XKR6: variants seen among roughly 807,000 people sequenced by gnomAD.
XKR6 encodes XK-related protein 6.
A neutral mutation model predicts 56.7 loss-of-function variants in XKR6; 22 were observed. That is an observed-to-expected ratio of 0.39 (90% confidence interval 0.28 to 0.55). The LOEUF (loss-of-function observed/expected upper bound fraction) is 0.55. XKR6 is among the 20% of genes least tolerant of loss of function. The pLI is 0.66. For missense variants in XKR6, 852 were observed against 889.0 expected, an observed-to-expected ratio of 0.96 and a Z score of 0.53; for synonymous variants, 524 against 387.8, an observed-to-expected ratio of 1.35 and a Z score of -4.13.
intron 1 of XKR6, among the ~76,000 whole-genome samples, chr8:11,145,801 C>T (rs149663908): frequency 1.0e-3 from 157 of 152,252 alleles, no homozygotes; most frequent in African/African-American, 3.4e-3. Context: ...TAACTCAACA[C>T]GATCAAAATC....
At chr8:11,078,283 T>C (rs918688992) in intron 1 of XKR6, among the ~76,000 whole-genome samples, 6 of 152,188 alleles carry the variant, frequency 3.9e-5, no homozygotes, top group African/African-American at 7.2e-5. Context: ...TCAACTTCAA[T>C]TGGCACCATG....
chr8:11,153,008 A>G (rs968569866), intron 1 of XKR6, among the ~76,000 whole-genome samples: 13 of 152,246 alleles, frequency 8.5e-5, no homozygotes, highest in African/African-American at 2.9e-4. Flanking sequence ...ACAGAGTAAT[A>G]CTAACAAAAT....
At chr8:11,126,645 A>G (rs1799813314) in intron 1 of XKR6, among the ~76,000 whole-genome samples, 1 of 152,218 alleles carries the variant, frequency 6.6e-6, no homozygotes, top group South Asian at 2.1e-4. Flanking sequence ...CGAATTTCCA[A>G]GATCCACAGA....
intron 1 of XKR6, among the ~76,000 whole-genome samples, chr8:10,969,316 G>C (rs1035127327): frequency 6.6e-6 from 1 of 152,186 alleles, no homozygotes; most frequent in African/African-American, 2.4e-5. Flanking sequence ...AGGCTGTCCA[G>C]ACTTTTAGAA....
intron 1 of XKR6, among the ~76,000 whole-genome samples, chr8:11,094,063 C>T (rs566876941): frequency 1.1e-3 from 152 of 143,536 alleles, no homozygotes; most frequent in African/African-American, 3.5e-3. Context: ...GGATTACAGG[C>T]GTGAGCCACC....
chr8:10,995,309 G>A (rs1028681621), intron 1 of XKR6, among the ~76,000 whole-genome samples: 13 of 151,158 alleles, frequency 8.6e-5, no homozygotes, highest in African/African-American at 2.9e-4. Context: ...GAACCCAGGA[G>A]TTCAGGACCA....
chr8:11,198,462 C>A (rs900008025), intron 1 of XKR6, among the ~76,000 whole-genome samples: 1 of 149,876 alleles, frequency 6.7e-6, no homozygotes, highest in Non-Finnish European at 1.5e-5. Context: ...AAAAAAAAAA[C>A]TAGACAGTAA....
In XKR6 at chr8:10,930,396, C is replaced by A. The variant is rs373283101; in HGVS notation, c.765-5566G>T. On this transcript the variant is annotated intron_variant, in intron 1 of 2. Coordinates refer to ENST00000416569, the MANE Select transcript of XKR6 (RefSeq NM_173683.4). ...CAGAGTAGAAATTGCACCAACTGTA[C>A]ACAATCTTTTCCAGAAAATAAAAAA... is the stretch of plus-strand genomic sequence containing the variant. 5.3e-5 allele frequency among the ~76,000 whole-genome samples: 8 copies of A among 152,278 alleles called. No individual in the cohort carries two copies. In the East Asian group the frequency reaches 1.5e-3, roughly 29 times the overall value.
chr8:11,173,398 CATATAT>C (rs977525733), intron 1 of XKR6, among the ~76,000 whole-genome samples: 1 of 148,908 alleles, frequency 6.7e-6, no homozygotes, highest in East Asian at 2.0e-4. Context: ...AATATATATA[CATATAT>C]ATATACATAT....
At chr8:11,029,327 T>C (rs28469367) in intron 1 of XKR6, among the ~76,000 whole-genome samples, 5,088 of 152,226 alleles carry the variant, frequency 0.033, 290 homozygotes, top group African/African-American at 0.12. Context: ...CCCCTCATAT[T>C]CGCTGGTAGG....
intron 1 of XKR6, among the ~76,000 whole-genome samples, chr8:11,071,077 G>A (rs1478181438): frequency 6.6e-6 from 1 of 152,206 alleles, no homozygotes; most frequent in Non-Finnish European, 1.5e-5. Flanking sequence ...CTGGAACAGG[G>A]TCGTGAACAA....
At chr8:11,099,705 C>A (rs1387135756) in intron 1 of XKR6, among the ~76,000 whole-genome samples, 5 of 152,196 alleles carry the variant, frequency 3.3e-5, no homozygotes, top group Non-Finnish European at 7.3e-5. Flanking sequence ...ACGCATTGTT[C>A]TAGGTCTTGA....
chr8:10,976,557 A>G (rs750381796), intron 1 of XKR6, among the ~76,000 whole-genome samples: 6 of 152,170 alleles, frequency 3.9e-5, no homozygotes, highest in Non-Finnish European at 5.9e-5. Flanking sequence ...TGGACAACAC[A>G]TGGTTACCAG....
chr8:10,978,993 C>A (rs1797663223), intron 1 of XKR6, among the ~76,000 whole-genome samples: 1 of 152,166 alleles, frequency 6.6e-6, no homozygotes, highest in African/African-American at 2.4e-5. Flanking sequence ...TGCCCAGACC[C>A]ATCTGTCCAC....
chr8:11,079,754 G>A (rs544687247), intron 1 of XKR6, among the ~76,000 whole-genome samples: 1 of 152,312 alleles, frequency 6.6e-6, no homozygotes, highest in East Asian at 1.9e-4. Context: ...AAGGCCAGGA[G>A]TTTGAGACCA....
chr8:11,112,326 G>A (rs1214659842), intron 1 of XKR6, among the ~76,000 whole-genome samples: 2 of 152,018 alleles, frequency 1.3e-5, no homozygotes, highest in East Asian at 3.8e-4. Context: ...CAGTCTTTGT[G>A]CTTCTATTAC....
At chr8:11,012,405 AT>A (rs1402845664) in intron 1 of XKR6, among the ~76,000 whole-genome samples, 3 of 152,240 alleles carry the variant, frequency 2.0e-5, no homozygotes, top group African/African-American at 7.2e-5. Flanking sequence ...GAGTTAATAC[AT>A]GTAAAGTGTT....
chr8:10,976,647 C>T (rs889759630), intron 1 of XKR6, among the ~76,000 whole-genome samples: 21 of 152,098 alleles, frequency 1.4e-4, no homozygotes, highest in African/African-American at 4.3e-4. Flanking sequence ...AGTCCGTGAT[C>T]CAGGAAGACA....
At chr8:10,976,966 G>C (rs535092904) in intron 1 of XKR6, among the ~76,000 whole-genome samples, 162 of 152,258 alleles carry the variant, frequency 1.1e-3, no homozygotes, top group African/African-American at 3.8e-3. Flanking sequence ...CATGGATGCA[G>C]GTCGTCTTCC....
Sources: allele counts gnomAD v4.1 joint callset (sites outside exome capture counted in the v4.1 genomes callset), GRCh38; gene constraint gnomAD v4.1.1; transcripts MANE v1.5; gene names NCBI Gene and HGNC (gene_info 2026-07-23, HGNC 2026-07-21).